Variants in ABL1 observed in about 807,000 individuals in gnomAD.
The protein encoded by ABL1 is tyrosine-protein kinase ABL1.
Under a neutral mutation model 94.7 loss-of-function variants are expected in ABL1, and 11 were observed. The ratio of observed to expected loss-of-function variants is 0.12; its 90% CI spans 0.07 to 0.19. The LOEUF (loss-of-function observed/expected upper bound fraction) is 0.19. Ranked by LOEUF, ABL1 falls within the 10% of genes least tolerant of loss-of-function variation. The probability of loss-of-function intolerance (pLI) is 1.00; values close to 1 mark genes in which losing one functional copy is unlikely to be tolerated. For synonymous variants in ABL1, 656 were observed against 622.4 expected, an observed-to-expected ratio of 1.05 and a Z score of -0.80; for missense variants, 1,082 against 1,489.4, an observed-to-expected ratio of 0.73 and a Z score of 4.50.
At chr9:130,811,423 G>A (rs750265560) in intron 1 of ABL1, among the ~76,000 whole-genome samples, 2 of 152,142 alleles carry the variant, frequency 1.3e-5, no homozygotes, top group Non-Finnish European at 2.9e-5. Context: ...TGTCTTAGAG[G>A]TAATTACACA....
At position 130,859,671 on chromosome 9, in the gene ABL1, TCTTTC is replaced by T. The variant is rs1388504592; in HGVS notation, c.550-3087_550-3083del. The stretch of plus-strand genomic sequence containing the variant: ...CAAAAGAAACGCTGTTTCTTTTCTT[TCTTTC>T]CTTTTTTTTTTTTTTTTTTTTTTTT... On this transcript the variant is annotated intron_variant, in intron 3 of 10. Transcript: ENST00000318560. 3.9e-4 allele frequency among the ~76,000 whole-genome samples: 56 copies of T among 142,408 alleles called. 5 individuals carry two copies. Among genetic ancestry groups the T allele is most frequent in the African/African-American group, 1.3e-3 (48 of 35,570 alleles). The allele number at this position is 142,408 out of a possible 152,430, so 93.4% of individuals were successfully genotyped here.
In ABL1 at chr9:130,863,163, G is replaced by A; in HGVS notation, c.822+128G>A. 2 of 1,109,910 alleles carry A rather than the reference G, an allele frequency of 1.8e-6. No individual in the cohort carries two copies. The highest frequency in any genetic ancestry group is 2.5e-6 in the Non-Finnish European group (2 of 794,318). 68.8% of individuals were successfully genotyped at this position (1,109,910 alleles called of 1,614,324 possible). On this transcript the variant is annotated intron_variant, in intron 4 of 10. Transcript: ENST00000318560. This position sits in a 1 kb window ranked among gnomAD's most constrained non-coding sequence, Gnocchi z 4.3. Reference sequence around the variant, plus strand: ...AGGGCTTCATTGGCGCCACGGAATTGACTTTTCCGTCTTATATCATTCCTG... The same window carrying A: ...AGGGCTTCATTGGCGCCACGGAATTAACTTTTCCGTCTTATATCATTCCTG...
At chr9:130,859,926 T>A (rs922538745) in intron 3 of ABL1, among the ~76,000 whole-genome samples, 3 of 151,956 alleles carry the variant, frequency 2.0e-5, no homozygotes, top group Non-Finnish European at 2.9e-5. Context: ...TGATCTGCCC[T>A]CCTTGGCCTC....
At chr9:130,717,560 A>C (rs905446257) in intron 1 of ABL1, among the ~76,000 whole-genome samples, 3 of 151,578 alleles carry the variant, frequency 2.0e-5, no homozygotes, top group Non-Finnish European at 2.9e-5. Flanking sequence ...AAAATTAGCC[A>C]AGCTCCCACT....
Position 130,886,673 on chromosome 9 carries a change from C to T in ABL1, c.*990C>T. ...GTGCCCTGAAAGGGCCCTTCCCCTC[C>T]CCCACTCCTCTAAGACAAAGTAGAT... is the stretch of plus-strand genomic sequence containing the variant. On this transcript the variant is annotated 3_prime_UTR_variant, in exon 11 of 11. Coordinates refer to ENST00000318560, the MANE Select transcript of ABL1 (RefSeq NM_005157.6). 4.3e-6 allele frequency: 1 copy of T among 233,764 alleles called. No homozygotes were observed. Among genetic ancestry groups the T allele is most frequent in the East Asian group, 6.0e-5 (1 of 16,578 alleles). The allele number at this position is 233,764 out of a possible 1,614,324, so 14.5% of individuals were successfully genotyped here.
intron 1 of ABL1, among the ~76,000 whole-genome samples, chr9:130,819,908 C>G (rs1830338033): frequency 6.7e-6 from 1 of 148,346 alleles, no homozygotes; most frequent in Non-Finnish European, 1.5e-5. Context: ...GCTGTGACTT[C>G]TGTTTCTCCA....
At chr9:130,821,685 G>T in intron 1 of ABL1, among the ~76,000 whole-genome samples, 2 of 143,334 alleles carry the variant, frequency 1.4e-5, no homozygotes, top group African/African-American at 2.6e-5. Context: ...TTTTTGAGAT[G>T]GAGTTTTGCT....
At chr9:130,828,471 T>G (rs1047151468) in intron 1 of ABL1, among the ~76,000 whole-genome samples, 1 of 152,236 alleles carries the variant, frequency 6.6e-6, no homozygotes, top group African/African-American at 2.4e-5. Flanking sequence ...CAAAAGTAAT[T>G]GGGGCTTTTG....
In ABL1 at chr9:130,887,145, G is replaced by A. The variant is rs1038641875; in HGVS notation, c.*1462G>A. On this transcript the variant is annotated 3_prime_UTR_variant, in exon 11 of 11. Transcript: ENST00000318560. The stretch of plus-strand genomic sequence containing the variant: ...CAGGTGGCCGCCCCTGAGGCTTCAC[G>A]CCGGGAGAAGCCACCTTCCCACCCC... 2 of 233,106 alleles carry A rather than the reference G, an allele frequency of 8.6e-6. No homozygotes were observed. Among genetic ancestry groups the A allele is most frequent in the African/African-American group, 4.4e-5 (2 of 45,338 alleles). The allele number at this position is 233,106 out of a possible 1,614,324, so 14.4% of individuals were successfully genotyped here.
At chr9:130,757,572 T>C (rs1832057010) in intron 1 of ABL1, among the ~76,000 whole-genome samples, 1 of 126,252 alleles carries the variant, frequency 7.9e-6, no homozygotes, top group Non-Finnish European at 1.6e-5. Context: ...AGAGTCTTGC[T>C]CTGTCACCCA....
At chr9:130,768,023 A>T (rs1427186538) in intron 1 of ABL1, among the ~76,000 whole-genome samples, 1 of 152,200 alleles carries the variant, frequency 6.6e-6, no homozygotes, top group African/African-American at 2.4e-5. Flanking sequence ...TAATTTTTTT[A>T]AAACAATATA....
chr9:130,829,527 T>G (rs1830468355), intron 1 of ABL1, among the ~76,000 whole-genome samples: 1 of 140,986 alleles, frequency 7.1e-6, no homozygotes, highest in African/African-American at 2.7e-5. Flanking sequence ...ATCGCGCCAC[T>G]GCACTCCCGC....
At chr9:130,779,663 A>C (rs1370585089) in intron 1 of ABL1, among the ~76,000 whole-genome samples, 5 of 152,202 alleles carry the variant, frequency 3.3e-5, no homozygotes, top group African/African-American at 1.2e-4. Flanking sequence ...TTGACTAAAC[A>C]AACAAGGCTG....
In ABL1 at chr9:130,884,670, G is replaced by A. The variant is rs1427608970; in HGVS notation, c.2380G>A (p.Ala794Thr). The A allele has an allele frequency of 2.5e-6, 4 of 1,613,080 alleles. No individual in the cohort carries two copies. Among genetic ancestry groups the A allele is most frequent in the Non-Finnish European group, 3.4e-6 (4 of 1,180,010 alleles). ...PRLVKKNEEAADEVFKDIMES... is the reference protein window; with the variant it reads ...PRLVKKNEEATDEVFKDIMES... Reference sequence around the variant, plus strand: ...GCTGGTGAAAAAGAATGAGGAAGCTGCTGATGAGGTCTTCAAAGACATCAT... The same window carrying A: ...GCTGGTGAAAAAGAATGAGGAAGCTACTGATGAGGTCTTCAAAGACATCAT... The change falls in exon 11 of 11, where the codon GCT becomes ACT. Residue 794 changes from alanine to threonine, a missense_variant. By Grantham distance (58) the Ala-to-Thr change is moderately conservative. Transcript: ENST00000318560. This position sits in a 1 kb window ranked among gnomAD's most constrained non-coding sequence, Gnocchi z 5.6.
intron 4 of ABL1, among the ~76,000 whole-genome samples, chr9:130,868,120 G>A (rs887531509): frequency 4.0e-5 from 6 of 151,624 alleles, no homozygotes; most frequent in Non-Finnish European, 7.4e-5. Flanking sequence ...CGACCACGCC[G>A]GCTAATTTTT....
intron 1 of ABL1, among the ~76,000 whole-genome samples, chr9:130,787,602 G>A (rs939200942): frequency 1.1e-4 from 16 of 152,078 alleles, no homozygotes; most frequent in African/African-American, 3.1e-4. Flanking sequence ...CAGGAAGGAG[G>A]CAAGATTTTA....
intron 1 of ABL1, among the ~76,000 whole-genome samples, chr9:130,769,664 T>C (rs546579884): frequency 3.9e-5 from 6 of 152,244 alleles, no homozygotes; most frequent in African/African-American, 1.4e-4. Flanking sequence ...TATTGTATTG[T>C]ATTATTTTTT....
intron 7 of ABL1, among the ~76,000 whole-genome samples, chr9:130,876,854 A>AGAG (rs1831354054): frequency 7.1e-6 from 1 of 140,860 alleles, no homozygotes; most frequent in Admixed American, 7.4e-5. Flanking sequence ...CTCCTGCCTC[A>AGAG]GCCTCCCGAG....
Position 130,886,913 on chromosome 9 carries a change from A to G in ABL1, c.*1230A>G. 4.3e-6 allele frequency: 1 copy of G among 233,024 alleles called. No individual in the cohort carries two copies. The highest frequency in any genetic ancestry group is 8.5e-6 in the Non-Finnish European group (1 of 117,824). The allele number at this position is 233,024 out of a possible 1,614,324, so 14.4% of individuals were successfully genotyped here. A position where few individuals can be genotyped will look rare whatever the true frequency, so the allele number is the denominator to read the frequency against. On this transcript the variant is annotated 3_prime_UTR_variant, in exon 11 of 11. Transcript: ENST00000318560. ...CTTATTTAATTACCGTGAGTGACATAGCCTCATGTTCTGTGGGGGTCATCA... is the reference window on the plus strand; with the variant it reads ...CTTATTTAATTACCGTGAGTGACATGGCCTCATGTTCTGTGGGGGTCATCA...
Sources: gnomAD v4.1 joint callset for allele counts (sites outside exome capture counted in the v4.1 genomes callset) on GRCh38, gnomAD v4.1.1 for gene constraint, Gnocchi (gnomAD v3.1) non-coding constraint, MANE v1.5 for transcripts, NCBI Gene and HGNC (gene_info 2026-07-23, HGNC 2026-07-21) for gene names.